SEC24C: variants seen among roughly 807,000 people sequenced by gnomAD.
SEC24C encodes SEC24 homolog C, COPII component, also known as protein transport protein Sec24C.
In SEC24C, 22 loss-of-function variants were observed where a neutral mutation model predicts 117.0. The observed-to-expected ratio is 0.19, with a 90% CI of 0.13 to 0.27. The LOEUF (loss-of-function observed/expected upper bound fraction) is 0.27, where lower values mean the gene tolerates loss of function less well. Among genes scored for constraint, SEC24C ranks in the 10% least tolerant of loss-of-function variants. The pLI is 1.00. For missense variants in SEC24C, 1,155 were observed against 1,375.1 expected (o/e 0.84, Z 2.53); for synonymous variants, 506 against 529.4 (o/e 0.96, Z 0.61).
chr10:73,762,518 C>G (rs2082813791), intron 6 of SEC24C, among the ~76,000 whole-genome samples: 1 of 152,102 alleles, frequency 6.6e-6, no homozygotes, highest in African/African-American at 2.4e-5. Flanking sequence ...GTAGATCATT[C>G]CACTTTGGAT....
chr10:73,766,303 G>C (rs2082882739), intron 11 of SEC24C, 47 bp from the exon 12 acceptor site: 1 of 1,582,354 alleles, frequency 6.3e-7, no homozygotes, highest in Admixed American at 1.7e-5. Context: ...GAAGTTGTGG[G>C]TGGTGGAAAA....
Position 73,765,684 on chromosome 10 carries a change from G to T in SEC24C, c.1366+95G>T. On this transcript the variant is annotated intron_variant, in intron 9 of 22. Transcript: ENST00000345254. ...TAGAGAGATGAGGGTCCATCTTTCA[G>T]GAGCTGGGGAAGTAGGGCACATGGG... 3.8e-6 allele frequency: 6 copies of T among 1,579,426 alleles called. No individual in the cohort carries two copies. In the South Asian group the frequency reaches 6.7e-5, roughly 18 times the overall value.
At position 73,760,325 on chromosome 10, in the gene SEC24C, C is replaced by G. The variant is rs1428836973; in HGVS notation, c.789C>G (p.Pro263=). 1 of 1,611,910 alleles carries G rather than the reference C, an allele frequency of 6.2e-7. No individual in the cohort carries two copies. The highest frequency in any genetic ancestry group is 1.3e-5 in the African/African-American group (1 of 74,918). ...CCCCTGGCACCCAGATGACTGGGCC[C>G]CTGGGACCACTGCCACCTATGCACT... ...ALPPGTQMTG[P]LGPLPPMHSP... Residue 263 remains proline, a synonymous_variant, in exon 5 of 23, where the codon CCC becomes CCG. Coordinates refer to ENST00000345254, the MANE Select transcript of SEC24C (RefSeq NM_198597.3).
chr10:73,749,790 C>A (rs1373894970), intron 2 of SEC24C, among the ~76,000 whole-genome samples: 1 of 152,280 alleles, frequency 6.6e-6, no homozygotes, highest in South Asian at 2.1e-4. Flanking sequence ...GATCCACCTG[C>A]CTTGGCCTCC....
At chr10:73,750,918 C>G (rs2082633423) in intron 2 of SEC24C, among the ~76,000 whole-genome samples, 190 bp from the exon 3 acceptor site, 1 of 152,124 alleles carries the variant, frequency 6.6e-6, no homozygotes, top group African/African-American at 2.4e-5. Context: ...GTGTAGGCCC[C>G]TTGTTGGGAA....
Position 73,767,200 on chromosome 10 carries a change from G to A in SEC24C, c.2010+30G>A, listed in dbSNP as rs760463789. 2.7e-6 allele frequency: 4 copies of A among 1,455,696 alleles called. No individual in the cohort carries two copies. In the East Asian group the frequency reaches 6.8e-5, roughly 25 times the overall value. 90.2% of individuals were successfully genotyped at this position (1,455,696 alleles called of 1,614,324 possible). On this transcript the variant is annotated intron_variant, in intron 14 of 22. Coordinates refer to ENST00000345254, the MANE Select transcript of SEC24C (RefSeq NM_198597.3). ...GGGACTGGAAAATGGGGGAGGGGAA[G>A]GATTTTTCATTACAGAGGAAGTGGG...
At chr10:73,765,344 G>A in intron 8 of SEC24C, 107 bp from the exon 9 acceptor site, 1 of 1,257,958 alleles carries the variant, frequency 7.9e-7, no homozygotes, top group Non-Finnish European at 1.1e-6. Flanking sequence ...TCTGCAGACA[G>A]AATATCTGCG....
chr10:73,746,158 C>CAA (rs71021568), intron 1 of SEC24C, among the ~76,000 whole-genome samples: 9,966 of 92,514 alleles, frequency 0.11, 538 homozygotes, highest in Middle Eastern at 0.14. Context: ...GACTCCGTCT[C>CAA]AAAAAAAAAA....
At chr10:73,756,755 A>C (rs1369286330) in intron 3 of SEC24C, among the ~76,000 whole-genome samples, 3 of 151,916 alleles carry the variant, frequency 2.0e-5, no homozygotes, top group African/African-American at 7.2e-5. Context: ...CATGACCACC[A>C]TGCCAGGCTA....
Position 73,751,225 on chromosome 10 carries a change from C to T in SEC24C, c.290C>T (p.Ser97Phe), listed in dbSNP as rs749889185. The change falls in exon 3 of 23, where the codon TCC becomes TTC. Residue 97 changes from serine (S) to phenylalanine (F), a missense_variant. Coordinates refer to ENST00000345254, the MANE Select transcript of SEC24C (RefSeq NM_198597.3). ...GGAGATGTACAGAATGGGCCAAGCT[C>T]CACTGTTCAGATGCAAAGGTAGGTA... The part of the protein sequence containing the change: ...GQGDVQNGPS[S>F]TVQMQRLPGS... 1.2e-6 allele frequency: 2 copies of T among 1,614,036 alleles called. No individual in the cohort carries two copies. Among genetic ancestry groups the T allele is most frequent in the South Asian group, 2.2e-5 (2 of 91,074 alleles).
At chr10:73,749,337 C>T (rs748917282) in intron 2 of SEC24C, among the ~76,000 whole-genome samples, 1 of 152,166 alleles carries the variant, frequency 6.6e-6, no homozygotes, top group Non-Finnish European at 1.5e-5. Flanking sequence ...GACCCTGGGA[C>T]AGTGTAGTTT....
chr10:73,760,030 C>T lies in SEC24C; in HGVS notation c.494C>T (p.Ser165Leu), dbSNP rs766975550. ...SSGLGFGPPTSLASASGSFPN... is the reference protein window; with the variant it reads ...SSGLGFGPPTLLASASGSFPN... ...TTCTACTTCTCAGGCCCACCAACATCGCTGGCTTCAGCCTCAGGAAGTTTC... is the reference window on the plus strand; with the variant it reads ...TTCTACTTCTCAGGCCCACCAACATTGCTGGCTTCAGCCTCAGGAAGTTTC... The change falls in exon 5 of 23, where the codon TCG becomes TTG. Residue 165 changes from serine (S) to leucine (L), a missense_variant. Transcript: ENST00000345254. The T allele has an allele frequency of 6.3e-6, 10 of 1,580,298 alleles. No homozygotes were observed. The highest frequency in any genetic ancestry group is 2.3e-5 in the East Asian group (1 of 44,282).
chr10:73,744,474 G>T (rs991890503), intron 1 of SEC24C, 37 bp downstream of exon 1: 2 of 153,060 alleles, frequency 1.3e-5, no homozygotes, highest in Non-Finnish European at 2.9e-5. Flanking sequence ...GGGTAGGAAA[G>T]CAAAGGAGAG....
chr10:73,765,693 G>A lies in SEC24C; in HGVS notation c.1366+104G>A. ...GAGGGTCCATCTTTCAGGAGCTGGG[G>A]AAGTAGGGCACATGGGAATGAGGGA... On this transcript the variant is annotated intron_variant, in intron 9 of 22. Transcript: ENST00000345254. 11 of 1,569,786 alleles carry A rather than the reference G, an allele frequency of 7.0e-6. No individual in the cohort carries two copies. The South Asian group carries it at 1.0e-4, about 15-fold the overall frequency.
At chr10:73,748,014 A>G (rs2082584446) in intron 2 of SEC24C, among the ~76,000 whole-genome samples, 1 of 151,968 alleles carries the variant, frequency 6.6e-6, no homozygotes, top group Admixed American at 6.6e-5. Context: ...AAGGTCTTGA[A>G]GAACTGCTGA....
At chr10:73,759,827 C>A (rs754727193) in intron 4 of SEC24C, 33 bp downstream of exon 4, 2 of 1,528,664 alleles carry the variant, frequency 1.3e-6, no homozygotes, top group Admixed American at 2.2e-5. Flanking sequence ...ATGTTACTGT[C>A]CCCTGTTCAG....
At chr10:73,768,968 G>A in intron 16 of SEC24C, 39 bp from the exon 17 acceptor site, 1 of 1,614,234 alleles carries the variant, frequency 6.2e-7, no homozygotes, top group Non-Finnish European at 8.5e-7. Context: ...TGTGGCACTT[G>A]TCATACTTTT....
At position 73,769,766 on chromosome 10, in the gene SEC24C, G is replaced by T. The variant is rs1488522578; in HGVS notation, c.2682+33G>T. ...AAGTATATTAGTGGGAGGTGGGGTT[G>T]TTGGGACAAATGTTTGCATTTGGGA... On this transcript the variant is annotated intron_variant, in intron 19 of 22. Transcript: ENST00000345254. This position sits in a 1 kb window ranked among gnomAD's most constrained non-coding sequence, Gnocchi z 4.5. 3 of 1,612,962 alleles carry T rather than the reference G, an allele frequency of 1.9e-6. No homozygotes were observed. Among genetic ancestry groups the T allele is most frequent in the East Asian group, 2.2e-5 (1 of 44,872 alleles).
At position 73,755,868 on chromosome 10, in the gene SEC24C, T is replaced by A. The variant is rs919801890; in HGVS notation, c.309-3754T>A. On this transcript the variant is annotated intron_variant, in intron 3 of 22. Transcript: ENST00000345254. ...AGGACTGAAAATCTTTTTTTTTTTT[T>A]AAATACAGAGTCTTGCTCTGTCGCC... Among the ~76,000 whole-genome samples, 11 of 151,490 alleles carry A rather than the reference T, an allele frequency of 7.3e-5. No homozygotes were observed. The East Asian group carries it at 2.1e-3, about 29-fold the overall frequency.
Sources: gnomAD v4.1 joint callset for allele counts (sites outside exome capture counted in the v4.1 genomes callset) on GRCh38, gnomAD v4.1.1 for gene constraint, Gnocchi (gnomAD v3.1) non-coding constraint, MANE v1.5 for transcripts, NCBI Gene and HGNC (gene_info 2026-07-23, HGNC 2026-07-21) for gene names.